NRXN3: variants seen among roughly 807,000 people sequenced by gnomAD.
The protein encoded by NRXN3 is neurexin III.
In NRXN3, 32 loss-of-function variants were observed where a neutral mutation model predicts 137.6. The ratio of observed to expected loss-of-function variants is 0.23; its 90% CI spans 0.18 to 0.31. The LOEUF is 0.31. Ranked by LOEUF, NRXN3 falls within the 10% of genes least tolerant of loss-of-function variation. NRXN3 has a pLI of 1.00. For missense variants in NRXN3, 1,574 were observed against 2,062.5 expected, an observed-to-expected ratio of 0.76 and a Z score of 4.59; for synonymous variants, 798 against 784.5, an observed-to-expected ratio of 1.02 and a Z score of -0.29.
rs866244844 is a variant in NRXN3, at chr14:78,248,302, G to A, written c.709+4500G>A. Reference sequence around the variant, plus strand: ...CAGTAGTGACTAGCCACCGCCCCCCGCCCCCCCCCCCCCCACCCGCCACCT... The same window carrying A: ...CAGTAGTGACTAGCCACCGCCCCCCACCCCCCCCCCCCCCACCCGCCACCT... On this transcript the variant is annotated intron_variant, in intron 2 of 20. Transcript: ENST00000335750. Among the ~76,000 whole-genome samples the A allele has an allele frequency of 4.4e-4, 10 of 22,530 alleles. 1 individual carries two copies. Among genetic ancestry groups the A allele is most frequent in the African/African-American group, 1.5e-3 (9 of 6,072 alleles). 14.8% of individuals were successfully genotyped at this position (22,530 alleles called of 152,430 possible). A position where few individuals can be genotyped will look rare whatever the true frequency, so the allele number is the denominator to read the frequency against.
chr14:79,360,233 A>G (rs1183424448), intron 15 of NRXN3, among the ~76,000 whole-genome samples: 2 of 152,194 alleles, frequency 1.3e-5, no homozygotes, highest in Non-Finnish European at 2.9e-5. Flanking sequence ...GCCCTAGTTG[A>G]TGAAATTAAC....
intron 16 of NRXN3, among the ~76,000 whole-genome samples, chr14:79,536,454 TTA>T (rs1208762184): frequency 1.3e-5 from 2 of 151,856 alleles, no homozygotes; most frequent in Non-Finnish European, 2.9e-5. Flanking sequence ...TTTTTATTAA[TTA>T]TTTTTTTTTT....
intron 1 of NRXN3, among the ~76,000 whole-genome samples, chr14:78,192,142 G>A (rs954829394): frequency 1.3e-5 from 2 of 151,972 alleles, no homozygotes; most frequent in African/African-American, 4.8e-5. Flanking sequence ...AAGTGTGTAA[G>A]TGCAGGGTGT....
intron 4 of NRXN3, among the ~76,000 whole-genome samples, chr14:78,618,087 C>T (rs1158202681): frequency 2.6e-5 from 4 of 151,874 alleles, no homozygotes; most frequent in South Asian, 2.1e-4. Flanking sequence ...AGTTAGCACC[C>T]GAAAAGTTAT....
At chr14:79,030,635 C>CTTTTTTTTTTTTTTTTTTTTTTTGTTTT in intron 15 of NRXN3, among the ~76,000 whole-genome samples, 1 of 54,236 alleles carries the variant, frequency 1.8e-5, no homozygotes, top group Non-Finnish European at 3.2e-5. Flanking sequence ...TTCTCTGTGT[C>CTTTTTTTTTTTTTTTTTTTTTTTGTTTT]TTTTTTTTTT....
chr14:79,374,267 G>C (rs1338991962), intron 15 of NRXN3, among the ~76,000 whole-genome samples: 1 of 151,982 alleles, frequency 6.6e-6, no homozygotes, highest in African/African-American at 2.4e-5. Flanking sequence ...CTCCCTGTTG[G>C]CCAAAGGGAC....
chr14:79,468,827 T>C (rs1323360939), intron 16 of NRXN3, among the ~76,000 whole-genome samples: 1 of 152,228 alleles, frequency 6.6e-6, no homozygotes, highest in Non-Finnish European at 1.5e-5. Flanking sequence ...TGGTTAGAGA[T>C]GATCACCTTC....
chr14:78,724,370 A>G (rs2098473685), intron 8 of NRXN3, among the ~76,000 whole-genome samples: 1 of 152,232 alleles, frequency 6.6e-6, no homozygotes, highest in Non-Finnish European at 1.5e-5. Flanking sequence ...GAAGTCCCAA[A>G]CTTAAAACCT....
chr14:78,299,493 CTTTTTTCCCCTCCTACAT>C (rs2076670584), intron 4 of NRXN3, among the ~76,000 whole-genome samples: 2 of 151,304 alleles, frequency 1.3e-5, no homozygotes, highest in African/African-American at 4.9e-5. Context: ...CTCCTACATT[CTTTTTTCCCCTCCTACAT>C]TCTTTAGCCT....
chr14:79,719,640 C>T (rs931833502), intron 19 of NRXN3, among the ~76,000 whole-genome samples: 2 of 151,972 alleles, frequency 1.3e-5, no homozygotes, highest in East Asian at 3.9e-4. Flanking sequence ...AAATTCCACC[C>T]GTGATCCAAC....
intron 15 of NRXN3, among the ~76,000 whole-genome samples, chr14:79,141,932 C>T (rs1328163311): frequency 6.6e-6 from 1 of 152,164 alleles, no homozygotes; most frequent in Non-Finnish European, 1.5e-5. Context: ...TCACTCTTGA[C>T]TTAATTTTCA....
chr14:78,414,282 T>A (rs1161821610), intron 4 of NRXN3, among the ~76,000 whole-genome samples: 2 of 152,118 alleles, frequency 1.3e-5, no homozygotes. Flanking sequence ...AGTGGTGGCA[T>A]GTGGCCTTGT....
intron 4 of NRXN3, among the ~76,000 whole-genome samples, chr14:78,315,696 G>A (rs1253368423): frequency 6.6e-6 from 1 of 152,104 alleles, no homozygotes; most frequent in Non-Finnish European, 1.5e-5. Flanking sequence ...GATGGAGTGG[G>A]GCCAAATGCC....
At chr14:79,579,905 T>C (rs1158042983) in intron 16 of NRXN3, among the ~76,000 whole-genome samples, 1 of 152,184 alleles carries the variant, frequency 6.6e-6, no homozygotes, top group African/African-American at 2.4e-5. Flanking sequence ...ACTGTATGTT[T>C]GTAACCATTT....
intron 15 of NRXN3, among the ~76,000 whole-genome samples, chr14:79,190,242 ATTC>A (rs1246703265): frequency 6.6e-6 from 1 of 152,100 alleles, no homozygotes; most frequent in Non-Finnish European, 1.5e-5. Context: ...TCATCAGGCT[ATTC>A]TTGACAGTCA....
At chr14:79,651,300 A>G (rs1204365252) in intron 16 of NRXN3, among the ~76,000 whole-genome samples, 2 of 152,168 alleles carry the variant, frequency 1.3e-5, no homozygotes, top group Admixed American at 6.5e-5. Flanking sequence ...AGGTAGTGGT[A>G]CTCTACATTT....
intron 15 of NRXN3, among the ~76,000 whole-genome samples, chr14:79,422,897 A>G (rs888494855): frequency 6.6e-6 from 1 of 151,686 alleles, no homozygotes; most frequent in African/African-American, 2.4e-5. Flanking sequence ...ACGGGGTTTC[A>G]CCATATTGGC....
intron 15 of NRXN3, among the ~76,000 whole-genome samples, chr14:79,308,579 T>C (rs1482122067): frequency 6.6e-6 from 1 of 152,186 alleles, no homozygotes; most frequent in Non-Finnish European, 1.5e-5. Flanking sequence ...AAGGAGTCTT[T>C]AATTACTTTG....
chr14:78,676,540 G>A (rs922983777), intron 6 of NRXN3, among the ~76,000 whole-genome samples: 1 of 152,042 alleles, frequency 6.6e-6, no homozygotes, highest in African/African-American at 2.4e-5. Context: ...GTAAAGGTTA[G>A]TTCAAAAAAG....
Sources: gnomAD v4.1 joint callset for allele counts (sites outside exome capture counted in the v4.1 genomes callset) on GRCh38, gnomAD v4.1.1 for gene constraint, MANE v1.5 for transcripts, NCBI Gene and HGNC (gene_info 2026-07-23, HGNC 2026-07-21) for gene names.